Variants in GRK1 observed in about 807,000 individuals in gnomAD.
GRK1 encodes the protein G protein-coupled receptor kinase 1.
Under a neutral mutation model 41.7 loss-of-function variants are expected in GRK1, and 28 were observed. That is an observed-to-expected ratio of 0.67 (90% CI 0.50 to 0.92). The LOEUF is 0.92. Ranked by LOEUF, GRK1 falls within the 40% of genes least tolerant of loss-of-function variation. GRK1 has a pLI of 0.00. For synonymous variants in GRK1, 327 were observed against 286.7 expected (o/e 1.14, Z -1.42); for missense variants, 703 against 671.2 (o/e 1.05, Z -0.52).
At chr13:113,663,723 G>A (rs921440837), upstream of GRK1, among the ~76,000 whole-genome samples, 1 of 152,144 alleles carries the variant, frequency 6.6e-6, no homozygotes, top group Non-Finnish European at 1.5e-5. Context: ...CCACCATTAG[G>A]GAAATGTAAA....
At chr13:113,667,162 A>T (rs923108873), upstream of GRK1, 1 of 525,986 alleles carries the variant, frequency 1.9e-6, no homozygotes, top group East Asian at 2.9e-5. This position sits in a 1 kb window ranked among gnomAD's most constrained non-coding sequence, Gnocchi z 7.5. Context: ...GTCCTCCGTG[A>T]CCCCGGCTGG....
the GRK1 span, chr13:113,651,866 G>A: frequency 1.0e-6 from 1 of 976,154 alleles, no homozygotes; most frequent in Non-Finnish European, 1.5e-6. Flanking sequence ...CCTTGGTCTG[G>A]TTTGCGGCTT....
chr13:113,730,964 GCATTTTTGGTTGT>G lies in GRK1; in HGVS notation c.1070-239_1070-227del, dbSNP rs573094404. On this transcript the variant is annotated intron_variant, in intron 4 of 6. Coordinates refer to ENST00000335678, the MANE Select transcript of GRK1 (RefSeq NM_002929.3). ...TGCCCAGCACTAGAGTGGGCATGGG[GCATTTTTGGTTGT>G]CATTTTTGGTTGTCACAGCCTGGGG... is the stretch of plus-strand genomic sequence containing the variant. Among the ~76,000 whole-genome samples, 65 of 152,324 alleles carry G rather than the reference GCATTTTTGGTTGT, an allele frequency of 4.3e-4. No homozygotes were observed. In the East Asian group the frequency reaches 0.011, roughly 26 times the overall value.
At chr13:113,662,099 A>G in the GRK1 span, among the ~76,000 whole-genome samples, 21 of 152,266 alleles carry the variant, frequency 1.4e-4, no homozygotes, top group Non-Finnish European at 3.1e-4. Context: ...TGAATCCAAC[A>G]AAGTATAAAA....
the GRK1 span, chr13:113,652,758 C>T: frequency 9.7e-5 from 121 of 1,244,186 alleles, no homozygotes; most frequent in Middle Eastern, 3.3e-3. Flanking sequence ...GCTGGAGTCC[C>T]TGTCCCGCTT....
chr13:113,658,545 C>A, the GRK1 span, among the ~76,000 whole-genome samples: 1 of 152,196 alleles, frequency 6.6e-6, no homozygotes, highest in African/African-American at 2.4e-5. Context: ...ACTGTGTCCA[C>A]GACCTTGGGC....
chr13:113,653,433 C>A, the GRK1 span: 3 of 1,613,262 alleles, frequency 1.9e-6, no homozygotes, highest in Non-Finnish European at 1.7e-6. Context: ...TTAAGGTTAC[C>A]CCTGGAGAGA....
chr13:113,654,814 C>T, the GRK1 span: 1 of 1,613,832 alleles, frequency 6.2e-7, no homozygotes, highest in Non-Finnish European at 8.5e-7. Context: ...GGGCGCTTAC[C>T]TGGTGACCGT....
At chr13:113,652,243 G>A in the GRK1 span, among the ~76,000 whole-genome samples, 7 of 152,350 alleles carry the variant, frequency 4.6e-5, no homozygotes, top group South Asian at 1.5e-3. Flanking sequence ...GCCCTGCTGG[G>A]ACCCCCGTCA....
In GRK1 at chr13:113,667,619, C is replaced by T. The variant is rs1238355634; in HGVS notation, c.233C>T (p.Ser78Leu). The T allele has an allele frequency of 1.2e-5, 19 of 1,613,532 alleles. No individual in the cohort carries two copies. Among genetic ancestry groups the T allele is most frequent in the East Asian group, 6.7e-5 (3 of 44,874 alleles). ...GKKLFQQFLQ[S>L]AEKHLPALEL... ...AAGCTCTTTCAGCAGTTCCTACAAT[C>T]GGCAGAGAAGCACCTGCCGGCCCTG... The change falls in exon 1 of 7, where the codon TCG becomes TTG. Residue 78 changes from serine to leucine, a missense_variant. Physicochemically the swap from Ser to Leu is moderately radical, Grantham distance 145. Transcript: ENST00000335678. This position sits in a 1 kb window ranked among gnomAD's most constrained non-coding sequence, Gnocchi z 7.5.
chr13:113,732,714 A>G (rs548983855), intron 5 of GRK1, among the ~76,000 whole-genome samples, 170 bp from the exon 6 acceptor site: 1 of 152,076 alleles, frequency 6.6e-6, no homozygotes, highest in Non-Finnish European at 1.5e-5. Flanking sequence ...TTAGGATTCC[A>G]TTCCTGAGAC....
chr13:113,659,201 A>AC, the GRK1 span, among the ~76,000 whole-genome samples: 1 of 152,210 alleles, frequency 6.6e-6, no homozygotes, highest in Non-Finnish European at 1.5e-5. Context: ...CCCGGCTCAG[A>AC]CGCTTTGCTG....
chr13:113,736,462 A>C lies in GRK1; in HGVS notation c.*1099A>C, dbSNP rs888310289. 6.6e-6 allele frequency: 1 copy of C among 152,296 alleles called. No individual in the cohort carries two copies. Among genetic ancestry groups the C allele is most frequent in the Non-Finnish European group, 1.5e-5 (1 of 68,084 alleles). 9.4% of individuals were successfully genotyped at this position (152,296 alleles called of 1,614,324 possible). A position where few individuals can be genotyped will look rare whatever the true frequency, so the allele number is the denominator to read the frequency against. On this transcript the variant is annotated 3_prime_UTR_variant, in exon 7 of 7. Coordinates refer to ENST00000335678, the MANE Select transcript of GRK1 (RefSeq NM_002929.3). ...CAATGCACCTGGCATTTCCAACTGC[A>C]CTTTGAACACTGAAGGTTCCCCAAA...
intron 6 of GRK1, among the ~76,000 whole-genome samples, chr13:113,734,033 C>T (rs1039098469): frequency 3.1e-4 from 30 of 97,588 alleles, no homozygotes; most frequent in African/African-American, 9.6e-4. Context: ...CGTGCGTGTG[C>T]GTATGTGTGT....
chr13:113,657,192 C>T, the GRK1 span, among the ~76,000 whole-genome samples: 1 of 152,146 alleles, frequency 6.6e-6, no homozygotes, highest in African/African-American at 2.4e-5. Context: ...TTTGCATTCC[C>T]ACCTCGGCTC....
rs1257578822 is a variant in GRK1 at position 113,733,685 on chromosome 13, ATG to A, written c.1396+605_1396+606del. Reference sequence around the variant, plus strand: ...TGCGTGTGTGCACGTGTGTGCATGTATGTGTGCATACATGTGTGCGTGTGTGC... The same window carrying A: ...TGCGTGTGTGCACGTGTGTGCATGTATGTGCATACATGTGTGCGTGTGTGC... On this transcript the variant is annotated intron_variant, in intron 6 of 6. Coordinates refer to ENST00000335678, the MANE Select transcript of GRK1 (RefSeq NM_002929.3). 4.4e-4 allele frequency among the ~76,000 whole-genome samples: 37 copies of A among 83,842 alleles called. 2 individuals are homozygous for A. Among genetic ancestry groups the A allele is most frequent in the South Asian group, 2.3e-3 (6 of 2,558 alleles). The allele number at this position is 83,842 out of a possible 152,430, so 55.0% of individuals were successfully genotyped here. A position where few individuals can be genotyped will look rare whatever the true frequency, so the allele number is the denominator to read the frequency against.
At chr13:113,655,282 G>A in the GRK1 span, among the ~76,000 whole-genome samples, 2 of 152,178 alleles carry the variant, frequency 1.3e-5, no homozygotes, top group African/African-American at 2.4e-5. Context: ...AGCAGGAACC[G>A]AGGGCCCTCT....
At chr13:113,662,413 C>T (rs1385738616), upstream of GRK1, among the ~76,000 whole-genome samples, 1 of 152,194 alleles carries the variant, frequency 6.6e-6, no homozygotes, top group East Asian at 1.9e-4. Context: ...ACAAGCCCCT[C>T]ATTTTTATCC....
At chr13:113,659,037 C>T in the GRK1 span, among the ~76,000 whole-genome samples, 6 of 152,184 alleles carry the variant, frequency 3.9e-5, no homozygotes, top group Non-Finnish European at 8.8e-5. Flanking sequence ...GGGGTCCGGG[C>T]AGTGCACTGG....
Sources: allele counts gnomAD v4.1 joint callset (sites outside exome capture counted in the v4.1 genomes callset), GRCh38; gene constraint gnomAD v4.1.1; non-coding constraint Gnocchi (gnomAD v3.1); transcripts MANE v1.5; gene names NCBI Gene and HGNC (gene_info 2026-07-23, HGNC 2026-07-21).